The following SORCS2 variants were observed in gnomAD, a reference collection of about 807,000 sequenced individuals.
The protein encoded by SORCS2 is sortilin related VPS10 domain containing receptor 2.
Under a neutral mutation model 141.6 loss-of-function variants are expected in SORCS2, and 100 were observed. The ratio of observed to expected loss-of-function variants is 0.71; its 90% CI spans 0.60 to 0.83. The LOEUF (loss-of-function observed/expected upper bound fraction) is 0.83. Ranked by LOEUF, SORCS2 falls within the 40% of genes least tolerant of loss-of-function variation. The pLI is 0.00. For missense variants in SORCS2, 1,646 were observed against 1,560.2 expected, an observed-to-expected ratio of 1.05 and a Z score of -0.93; for synonymous variants, 789 against 676.9, an observed-to-expected ratio of 1.17 and a Z score of -2.57.
chr4:7,740,529 C>A lies in SORCS2; in HGVS notation c.*265C>A. On this transcript the variant is annotated 3_prime_UTR_variant, in exon 27 of 27. Transcript: ENST00000507866. ...TCAGGCAGGTTCTGCCCCCCAGACC[C>A]CACACACGGCCGCCCCACGTGCTGT... 1.9e-6 allele frequency: 1 copy of A among 526,958 alleles called. No homozygotes were observed. The highest frequency in any genetic ancestry group is 3.5e-6 in the Non-Finnish European group (1 of 289,742). The allele number at this position is 526,958 out of a possible 1,614,324, so 32.6% of individuals were successfully genotyped here.
At position 7,626,147 on chromosome 4, in the gene SORCS2, A is replaced by G. The variant is rs149706047; in HGVS notation, c.649-12181A>G. ...GGGTGACAGGGCAAGACCCTGTCTC[A>G]AAATAAATAAATAAATATAAATAAA... On this transcript the variant is annotated intron_variant, in intron 3 of 26. Transcript: ENST00000507866. Among the ~76,000 whole-genome samples, 292 of 152,162 alleles carry G rather than the reference A, an allele frequency of 1.9e-3. 1 individual carries two copies. Among genetic ancestry groups the G allele is most frequent in the African/African-American group, 6.6e-3 (273 of 41,502 alleles).
intron 2 of SORCS2, among the ~76,000 whole-genome samples, chr4:7,466,424 G>A (rs1729621231): frequency 6.6e-6 from 1 of 152,206 alleles, no homozygotes; most frequent in African/African-American, 2.4e-5. Context: ...GCCCCACTCA[G>A]AGGAGGCTGG....
In SORCS2 at chr4:7,233,865, G is replaced by A. The variant is rs1420153845; in HGVS notation, c.480+40739G>A. ...GGGGAGGAGTCTGAGGTTTGCACTT[G>A]TAATACACTGTCCTGTCCGCTATCC... On this transcript the variant is annotated intron_variant, in intron 1 of 26. Coordinates refer to ENST00000507866, the MANE Select transcript of SORCS2 (RefSeq NM_020777.3). The surrounding 1 kb of genome is among the most constrained non-coding windows in gnomAD (Gnocchi z 4.5). Among the ~76,000 whole-genome samples the A allele has an allele frequency of 1.3e-5, 2 of 152,158 alleles. No homozygotes were observed. Among genetic ancestry groups the A allele is most frequent in the African/African-American group, 4.8e-5 (2 of 41,418 alleles).
chr4:7,265,823 T>C (rs146958106), intron 1 of SORCS2, among the ~76,000 whole-genome samples: 7 of 152,300 alleles, frequency 4.6e-5, no homozygotes, highest in African/African-American at 1.7e-4. Context: ...TCCTGGGGGC[T>C]GTGGTGCCGT....
chr4:7,360,014 G>A (rs947186988), intron 1 of SORCS2, among the ~76,000 whole-genome samples: 15 of 152,150 alleles, frequency 9.9e-5, no homozygotes, highest in African/African-American at 3.1e-4. Context: ...GAGCTTGCCC[G>A]GTAGCAGCCA....
intron 1 of SORCS2, among the ~76,000 whole-genome samples, chr4:7,358,383 C>T (rs562544350): frequency 9.2e-5 from 14 of 152,194 alleles, no homozygotes; most frequent in South Asian, 4.1e-4. Flanking sequence ...GAGAGGTTAG[C>T]GTTAGTTCCC....
chr4:7,416,679 C>T (rs936969675), intron 2 of SORCS2, among the ~76,000 whole-genome samples: 14 of 151,998 alleles, frequency 9.2e-5, no homozygotes, highest in African/African-American at 3.4e-4. Context: ...TGTGTGCACA[C>T]TCAGACACGC....
chr4:7,422,302 G>A (rs531818294), intron 2 of SORCS2, among the ~76,000 whole-genome samples: 21 of 152,244 alleles, frequency 1.4e-4, no homozygotes, highest in African/African-American at 4.6e-4. Context: ...CTGGGACAAG[G>A]GGCCCCCAGG....
intron 2 of SORCS2, among the ~76,000 whole-genome samples, chr4:7,500,184 TCCCTCCACTCTCGGTC>T (rs773477272): frequency 3.2e-4 from 48 of 151,834 alleles, no homozygotes; most frequent in Non-Finnish European, 4.0e-4. Context: ...ACCTATCAGC[TCCCTCCACTCTCGGTC>T]CCCTGCACGA....
intron 1 of SORCS2, among the ~76,000 whole-genome samples, chr4:7,376,169 C>G (rs1026615158): frequency 1.5e-4 from 23 of 152,124 alleles, no homozygotes. Flanking sequence ...GACTCTGCTT[C>G]TGTGTGCCAT....
intron 2 of SORCS2, among the ~76,000 whole-genome samples, chr4:7,522,463 T>C (rs1231462215): frequency 1.3e-5 from 2 of 152,216 alleles, no homozygotes; most frequent in Non-Finnish European, 2.9e-5. Context: ...TAGATTGGAA[T>C]GATCAGCTCC....
At chr4:7,240,479 A>G (rs145884311) in intron 1 of SORCS2, among the ~76,000 whole-genome samples, 358 of 152,200 alleles carry the variant, frequency 2.4e-3, no homozygotes, top group African/African-American at 7.8e-3. Context: ...TGGAGTGATG[A>G]TAATTAGAAG....
At chr4:7,676,573 C>T (rs886938087) in intron 9 of SORCS2, among the ~76,000 whole-genome samples, 2 of 152,252 alleles carry the variant, frequency 1.3e-5, no homozygotes, top group East Asian at 1.9e-4. Flanking sequence ...CACAAGCCCT[C>T]ATCAGACGTC....
At chr4:7,274,230 GA>G (rs777846727) in intron 1 of SORCS2, among the ~76,000 whole-genome samples, 12 of 152,200 alleles carry the variant, frequency 7.9e-5, no homozygotes, top group Non-Finnish European at 1.5e-5. Context: ...GTGAAGTACT[GA>G]AAATACTGAA....
chr4:7,620,847 C>T (rs1026088742), intron 3 of SORCS2, among the ~76,000 whole-genome samples: 3 of 152,174 alleles, frequency 2.0e-5, no homozygotes, highest in East Asian at 1.9e-4. Context: ...GCATTGTCTC[C>T]GACCTGGACG....
chr4:7,346,529 AT>A (rs1202997556), intron 1 of SORCS2, among the ~76,000 whole-genome samples: 2 of 152,218 alleles, frequency 1.3e-5, no homozygotes, highest in Non-Finnish European at 2.9e-5. Flanking sequence ...TGGGTGGAGT[AT>A]TTTATAAATG....
chr4:7,407,533 A>T (rs1018895360), intron 2 of SORCS2, among the ~76,000 whole-genome samples: 1 of 151,998 alleles, frequency 6.6e-6, no homozygotes, highest in Non-Finnish European at 1.5e-5. Flanking sequence ...TGCATGGAAT[A>T]ACTTTTTCCA....
chr4:7,686,038 G>A (rs1415974249), intron 10 of SORCS2, among the ~76,000 whole-genome samples: 1 of 152,220 alleles, frequency 6.6e-6, no homozygotes. Flanking sequence ...TTATGAAGTT[G>A]TCATTGGGAT....
At position 7,262,365 on chromosome 4, in the gene SORCS2, CCTATCCAT is replaced by C. The variant is rs1449702787; in HGVS notation, c.480+69249_480+69256del. Among the ~76,000 whole-genome samples the C allele has an allele frequency of 8.4e-3, 1,192 of 141,280 alleles. 8 individuals are homozygous for C. Among genetic ancestry groups the C allele is most frequent in the Non-Finnish European group, 0.014 (939 of 65,236 alleles). The allele number at this position is 141,280 out of a possible 152,430, so 92.7% of individuals were successfully genotyped here. A position where few individuals can be genotyped will look rare whatever the true frequency, so the allele number is the denominator to read the frequency against. On this transcript the variant is annotated intron_variant, in intron 1 of 26. Coordinates refer to ENST00000507866, the MANE Select transcript of SORCS2 (RefSeq NM_020777.3). ...ATCCATCCATCCATCCATCCACCCA[CCTATCCAT>C]CTATCCATCCATCCATCCATCCATC...
Sources: allele counts gnomAD v4.1 joint callset (sites outside exome capture counted in the v4.1 genomes callset), GRCh38; gene constraint gnomAD v4.1.1; non-coding constraint Gnocchi (gnomAD v3.1); transcripts MANE v1.5; gene names NCBI Gene and HGNC (gene_info 2026-07-23, HGNC 2026-07-21).